Variants in SNX30 observed in about 807,000 individuals in gnomAD.
SNX30 encodes sorting nexin-30.
Under a neutral mutation model 46.4 loss-of-function variants are expected in SNX30, and 24 were observed. The ratio of observed to expected loss-of-function variants is 0.52; its 90% CI spans 0.37 to 0.73. SNX30 has a LOEUF of 0.73. SNX30 is among the 30% of genes least tolerant of loss of function. The pLI is 0.00. For synonymous variants in SNX30, 189 were observed against 211.5 expected, an observed-to-expected ratio of 0.89 and a Z score of 0.92; for missense variants, 533 against 555.7, an observed-to-expected ratio of 0.96 and a Z score of 0.41.
chr9:112,809,456 A>T (rs1352001895), intron 2 of SNX30, among the ~76,000 whole-genome samples: 1 of 152,154 alleles, frequency 6.6e-6, no homozygotes, highest in African/African-American at 2.4e-5. Context: ...TGTGTGGTTG[A>T]AACTGACAAT....
upstream of SNX30, among the ~76,000 whole-genome samples, chr9:112,749,901 G>A (rs1438523045): frequency 6.6e-6 from 1 of 152,148 alleles, no homozygotes; most frequent in Non-Finnish European, 1.5e-5. Flanking sequence ...TAAAGACTTG[G>A]CCTTGGAAAC....
At chr9:112,785,573 G>A (rs569109988) in intron 1 of SNX30, among the ~76,000 whole-genome samples, 1 of 152,056 alleles carries the variant, frequency 6.6e-6, no homozygotes, top group African/African-American at 2.4e-5. Flanking sequence ...TTGTAGAGAT[G>A]GGGTTTTGCC....
At chr9:112,755,306 C>T (rs541669389) in intron 1 of SNX30, among the ~76,000 whole-genome samples, 5 of 152,136 alleles carry the variant, frequency 3.3e-5, no homozygotes, top group African/African-American at 1.2e-4. Context: ...CGGGGAGGGA[C>T]TGCCTGAAGC....
chr9:112,843,476 C>T (rs891210517), intron 6 of SNX30, among the ~76,000 whole-genome samples: 1 of 151,920 alleles, frequency 6.6e-6, no homozygotes, highest in Non-Finnish European at 1.5e-5. Flanking sequence ...GCATTTTAGG[C>T]AGAGGGGAGC....
intron 7 of SNX30, among the ~76,000 whole-genome samples, chr9:112,858,689 C>T (rs145485988): frequency 1.3e-5 from 2 of 152,268 alleles, no homozygotes; most frequent in East Asian, 1.9e-4. Flanking sequence ...ACAGACAGCT[C>T]ACCCCAGTTC....
chr9:112,881,143 C>T (rs1315467534), intron 5 of SNX30, among the ~76,000 whole-genome samples: 1 of 152,216 alleles, frequency 6.6e-6, no homozygotes, highest in Non-Finnish European at 1.5e-5. Flanking sequence ...TAGGTCTGAA[C>T]TGAAGTCCTG....
intron 1 of SNX30, among the ~76,000 whole-genome samples, chr9:112,775,546 G>GTGTGTGTGTA (rs887537707): frequency 1.4e-5 from 1 of 73,336 alleles, no homozygotes; most frequent in African/African-American, 4.3e-5. Context: ...TTAAATTTGT[G>GTGTGTGTGTA]TGTGTGTGTG....
exon 6 of SNX30, chr9:112,881,477 A>G (rs771564132): frequency 6.6e-6 from 1 of 152,396 alleles, no homozygotes; most frequent in Non-Finnish European, 1.5e-5. Flanking sequence ...ACAGGGCCAC[A>G]TGATCCTTGA....
intron 6 of SNX30, among the ~76,000 whole-genome samples, chr9:112,849,417 C>T (rs1227671301): frequency 6.6e-6 from 1 of 152,154 alleles, no homozygotes; most frequent in African/African-American, 2.4e-5. Flanking sequence ...TCAGTAGGCA[C>T]GTGGAGGCAG....
chr9:112,876,538 G>A (rs1588147401), downstream of SNX30, among the ~76,000 whole-genome samples: 1 of 152,216 alleles, frequency 6.6e-6, no homozygotes, highest in African/African-American at 2.4e-5. Flanking sequence ...GGAAATCCAG[G>A]TGGAGATGTT....
intron 6 of SNX30, among the ~76,000 whole-genome samples, 185 bp downstream of exon 6, chr9:112,838,882 TAAAC>T (rs989546789): frequency 3.3e-5 from 5 of 151,678 alleles, no homozygotes; most frequent in African/African-American, 9.7e-5. Context: ...GTACGTGAAT[TAAAC>T]AAAAAAAAAA....
chr9:112,805,058 T>C (rs1026550878), intron 2 of SNX30, 91 bp downstream of exon 2: 11 of 941,302 alleles, frequency 1.2e-5, no homozygotes, highest in Admixed American at 4.9e-5. Flanking sequence ...CTCCCCCTTA[T>C]TGTACAACTC....
intron 2 of SNX30, among the ~76,000 whole-genome samples, chr9:112,806,495 C>T (rs1016755513): frequency 5.3e-5 from 8 of 151,928 alleles, no homozygotes; most frequent in African/African-American, 9.7e-5. Flanking sequence ...GCGTGTCCCT[C>T]GTCTTTTACT....
At chr9:112,840,365 A>C (rs1363999663) in intron 6 of SNX30, among the ~76,000 whole-genome samples, 3 of 152,280 alleles carry the variant, frequency 2.0e-5, no homozygotes, top group Admixed American at 6.5e-5. Flanking sequence ...ATTAAAAAAA[A>C]TTGGGATATA....
intron 1 of SNX30, among the ~76,000 whole-genome samples, chr9:112,779,049 C>T (rs966711837): frequency 1.3e-5 from 2 of 152,184 alleles, no homozygotes; most frequent in African/African-American, 2.4e-5. Context: ...ACAAAGTGCT[C>T]GTGGCACTTG....
chr9:112,778,745 A>G (rs1396829357), intron 1 of SNX30, among the ~76,000 whole-genome samples: 4 of 152,206 alleles, frequency 2.6e-5, no homozygotes, highest in African/African-American at 9.7e-5. Context: ...CACAGATACC[A>G]TGCTGGAGAT....
intron 3 of SNX30, among the ~76,000 whole-genome samples, chr9:112,829,554 T>C (rs938512526): frequency 6.6e-5 from 10 of 152,218 alleles, no homozygotes; most frequent in African/African-American, 2.4e-4. Flanking sequence ...AGTGCTGGGA[T>C]TACAGGCATG....
chr9:112,877,758 C>T (rs1841534381), downstream of SNX30: 1 of 152,066 alleles, frequency 6.6e-6, no homozygotes, highest in African/African-American at 2.4e-5. Context: ...CTTGCTCTCT[C>T]ACCCAGGCAG....
chr9:112,821,048 A>G (rs1255807268), intron 3 of SNX30, among the ~76,000 whole-genome samples: 1 of 152,140 alleles, frequency 6.6e-6, no homozygotes, highest in African/African-American at 2.4e-5. Context: ...ATTCTTAGGA[A>G]TGTAATTGTT....
Sources: gnomAD v4.1 joint callset for allele counts (sites outside exome capture counted in the v4.1 genomes callset) on GRCh38, gnomAD v4.1.1 for gene constraint, MANE v1.5 for transcripts, NCBI Gene and HGNC (gene_info 2026-07-23, HGNC 2026-07-21) for gene names.